PRDM10: variants seen among roughly 807,000 people sequenced by gnomAD.
The protein encoded by PRDM10 is PR/SET domain 10, also known as PR domain zinc finger protein 10.
Under a neutral mutation model 133.1 loss-of-function variants are expected in PRDM10, and 65 were observed. The observed-to-expected ratio is 0.49, with a 90% CI of 0.40 to 0.60. The LOEUF (loss-of-function observed/expected upper bound fraction) is 0.60. Among genes scored for constraint, PRDM10 ranks in the 20% least tolerant of loss-of-function variants. PRDM10 has a pLI of 0.00. For missense variants in PRDM10, 1,137 were observed against 1,507.1 expected (o/e 0.75, Z 4.07); for synonymous variants, 582 against 580.4 (o/e 1.00, Z -0.04).
At chr11:129,907,673 G>T (rs1472290808) in intron 19 of PRDM10, among the ~76,000 whole-genome samples, 1 of 151,900 alleles carries the variant, frequency 6.6e-6, no homozygotes, top group Non-Finnish European at 1.5e-5. Context: ...AAAGTGCTGG[G>T]ATTACAGACG....
At chr11:129,924,076 A>T (rs979979154) in intron 12 of PRDM10, among the ~76,000 whole-genome samples, 1 of 152,232 alleles carries the variant, frequency 6.6e-6, no homozygotes, top group Non-Finnish European at 1.5e-5. Flanking sequence ...AGAGCTGAGG[A>T]TGGAAGCTAA....
At chr11:129,905,799 A>G (rs1949998469) in intron 19 of PRDM10, 58 bp from the exon 20 acceptor site, 1 of 1,432,494 alleles carries the variant, frequency 7.0e-7, no homozygotes, top group East Asian at 2.3e-5. Flanking sequence ...CAAGTCTTAG[A>G]AACAAAAACA....
intron 12 of PRDM10, 145 bp downstream of exon 12, chr11:129,924,733 TTTGA>T (rs1432203101): frequency 7.4e-6 from 5 of 674,852 alleles, no homozygotes; most frequent in South Asian, 4.0e-5. Context: ...ATAAAAGTAG[TTTGA>T]TTGAAGAAAT....
intron 9 of PRDM10, 126 bp from the exon 10 acceptor site, chr11:129,932,357 T>C: frequency 8.2e-7 from 1 of 1,220,186 alleles, no homozygotes; most frequent in South Asian, 1.7e-5. Flanking sequence ...TCCCAGATTT[T>C]CTCCAATAGA....
intron 4 of PRDM10, among the ~76,000 whole-genome samples, chr11:129,949,879 A>G (rs969983997): frequency 3.3e-5 from 5 of 152,064 alleles, no homozygotes; most frequent in East Asian, 3.9e-4. Context: ...GGTTGCAGTG[A>G]GCTGAGATCA....
intron 7 of PRDM10, among the ~76,000 whole-genome samples, chr11:129,941,583 C>T (rs531810123): frequency 6.6e-6 from 1 of 152,314 alleles, no homozygotes; most frequent in East Asian, 1.9e-4. Flanking sequence ...GTTTGACTTA[C>T]AAGTTTTTGA....
chr11:129,947,765 G>T lies in PRDM10; in HGVS notation c.295-395C>A. 1 of 379,702 alleles carries T rather than the reference G, an allele frequency of 2.6e-6. No individual in the cohort carries two copies. The highest frequency in any genetic ancestry group is 5.0e-6 in the Non-Finnish European group (1 of 200,752). The allele number at this position is 379,702 out of a possible 1,614,324, so 23.5% of individuals were successfully genotyped here. On this transcript the variant is annotated intron_variant, in intron 4 of 20. Coordinates refer to ENST00000360871, the MANE Select transcript of PRDM10 (RefSeq NM_199437.2). The surrounding 1 kb of genome is among the most constrained non-coding windows in gnomAD (Gnocchi z 4.6). ...CTGGCTCATTCAGCCGTTTCACACT[G>T]CTTGAGAGGCCTGCCCTGTCTCCCA... is the stretch of plus-strand genomic sequence containing the variant.
chr11:129,924,590 G>A (rs1950619313), intron 12 of PRDM10, among the ~76,000 whole-genome samples: 1 of 152,166 alleles, frequency 6.6e-6, no homozygotes. Flanking sequence ...TATTTTATAA[G>A]CAATAGACAT....
intron 7 of PRDM10, among the ~76,000 whole-genome samples, chr11:129,938,964 C>G (rs899885365): frequency 1.3e-5 from 2 of 152,308 alleles, no homozygotes; most frequent in East Asian, 1.9e-4. Context: ...GTTTCACCCC[C>G]ACAAGTGCTG....
At chr11:129,942,339 A>C in intron 7 of PRDM10, 87 bp downstream of exon 7, 1 of 1,422,172 alleles carries the variant, frequency 7.0e-7, no homozygotes, top group Non-Finnish European at 9.6e-7. Context: ...TTGTTAAACA[A>C]ACCCACTTTA....
intron 17 of PRDM10, chr11:129,914,464 A>C (rs1311700910): frequency 3.4e-6 from 2 of 595,970 alleles, no homozygotes; most frequent in Admixed American, 2.6e-5. Context: ...CTGCCACAGC[A>C]CAGGAGGCTT....
intron 9 of PRDM10, among the ~76,000 whole-genome samples, chr11:129,932,720 A>G (rs1035850082): frequency 1.3e-5 from 2 of 152,076 alleles, no homozygotes; most frequent in Non-Finnish European, 2.9e-5. Context: ...GTTTCATAAC[A>G]TGCCTAGTAA....
intron 1 of PRDM10, among the ~76,000 whole-genome samples, chr11:129,974,437 G>A (rs560301386): frequency 1.3e-5 from 2 of 152,316 alleles, no homozygotes; most frequent in East Asian, 1.9e-4. Context: ...AATAAATGGA[G>A]TGGGAGTGGG....
At chr11:129,948,057 G>A in intron 4 of PRDM10, 1 of 456,708 alleles carries the variant, frequency 2.2e-6, no homozygotes, top group Non-Finnish European at 4.4e-6. Context: ...TTTTAAGTAA[G>A]AATGAAAGAG....
rs1949793150 is a variant in PRDM10, at chr11:129,899,751, T to A, written c.*2562A>T. On this transcript the variant is annotated 3_prime_UTR_variant, in exon 21 of 21. Transcript: ENST00000360871. ...AAACATGTTTATTAAAAAATATATTTATTAATTTTTACACCTGCTGCATAG... is the reference window on the plus strand; with the variant it reads ...AAACATGTTTATTAAAAAATATATTAATTAATTTTTACACCTGCTGCATAG... The A allele has an allele frequency of 1.3e-5, 2 of 152,656 alleles. No individual in the cohort carries two copies. The highest frequency in any genetic ancestry group is 2.9e-5 in the Non-Finnish European group (2 of 68,042). The allele number at this position is 152,656 out of a possible 1,614,324, so 9.5% of individuals were successfully genotyped here.
At chr11:129,917,068 C>A in intron 15 of PRDM10, 59 bp downstream of exon 15, 1 of 1,232,202 alleles carries the variant, frequency 8.1e-7, no homozygotes, top group South Asian at 1.4e-5. Context: ...TAAATACGGA[C>A]AAGTCAGCTC....
At chr11:129,988,975 A>G (rs1024063229) in intron 1 of PRDM10, among the ~76,000 whole-genome samples, 3 of 152,228 alleles carry the variant, frequency 2.0e-5, no homozygotes, top group Non-Finnish European at 2.9e-5. Context: ...AGAGAAACTG[A>G]GGGCATGCTT....
chr11:129,988,785 A>G (rs1041790199), intron 1 of PRDM10, among the ~76,000 whole-genome samples: 1 of 151,828 alleles, frequency 6.6e-6, no homozygotes, highest in Non-Finnish European at 1.5e-5. Flanking sequence ...GTCCGCCACC[A>G]CACCCAGCTA....
In PRDM10 at chr11:129,918,513, G is replaced by C; in HGVS notation, c.2214+26C>G. The stretch of plus-strand genomic sequence containing the variant: ...CAATGAGGTATGCTGGGAAGACAGA[G>C]GAACCCGCAGCCACTGGGCACTGAC... On this transcript the variant is annotated intron_variant, in intron 14 of 20. Coordinates refer to ENST00000360871, the MANE Select transcript of PRDM10 (RefSeq NM_199437.2). This position sits in a 1 kb window ranked among gnomAD's most constrained non-coding sequence, Gnocchi z 5.3. 2 of 1,605,584 alleles carry C rather than the reference G, an allele frequency of 1.2e-6. No homozygotes were observed. The highest frequency in any genetic ancestry group is 1.7e-6 in the Non-Finnish European group (2 of 1,175,348).
Sources: allele counts gnomAD v4.1 joint callset (sites outside exome capture counted in the v4.1 genomes callset), GRCh38; gene constraint gnomAD v4.1.1; non-coding constraint Gnocchi (gnomAD v3.1); transcripts MANE v1.5; gene names NCBI Gene and HGNC (gene_info 2026-07-23, HGNC 2026-07-21).